Variants in TMEM163 observed in about 807,000 individuals in gnomAD.
The protein encoded by TMEM163 is transmembrane protein 163.
In TMEM163, 17 loss-of-function variants were observed where a neutral mutation model predicts 29.3. The observed-to-expected ratio is 0.58, with a 90% CI of 0.40 to 0.87. The LOEUF (loss-of-function observed/expected upper bound fraction) is 0.87, where lower values mean the gene tolerates loss of function less well. Among genes scored for constraint, TMEM163 ranks in the 40% least tolerant of loss-of-function variants. TMEM163 has a pLI of 0.00. For missense variants in TMEM163, 303 were observed against 381.5 expected, an observed-to-expected ratio of 0.79 and a Z score of 1.71; for synonymous variants, 157 against 160.6, an observed-to-expected ratio of 0.98 and a Z score of 0.17.
intron 4 of TMEM163, among the ~76,000 whole-genome samples, chr2:134,515,937 C>CCAGCAA (rs1003279383): frequency 2.6e-5 from 4 of 152,168 alleles, no homozygotes; most frequent in Non-Finnish European, 5.9e-5. Flanking sequence ...CTTCACAAGA[C>CCAGCAA]ATGAAATGCT....
chr2:134,707,255 C>T (rs2104896724), intron 2 of TMEM163, among the ~76,000 whole-genome samples: 1 of 152,294 alleles, frequency 6.6e-6, no homozygotes, highest in Non-Finnish European at 1.5e-5. Context: ...AGGCCCGGGG[C>T]TGTGAAAAGT....
At chr2:134,553,247 A>G (rs916328759) in intron 2 of TMEM163, among the ~76,000 whole-genome samples, 5 of 152,186 alleles carry the variant, frequency 3.3e-5, no homozygotes, top group East Asian at 1.9e-4. Context: ...CAGTGCCTAC[A>G]TGGACTTCCA....
At chr2:134,525,719 C>T (rs200602326) in intron 4 of TMEM163, among the ~76,000 whole-genome samples, 1 of 152,198 alleles carries the variant, frequency 6.6e-6, no homozygotes, top group East Asian at 1.9e-4. Context: ...CTGCCTCCTT[C>T]CCTGTCTAAC....
chr2:134,684,135 G>A (rs1558990909), intron 2 of TMEM163, among the ~76,000 whole-genome samples: 1 of 152,042 alleles, frequency 6.6e-6, no homozygotes, highest in Admixed American at 6.6e-5. Context: ...CCTATAACAA[G>A]GTTTAGTGAC....
intron 4 of TMEM163, among the ~76,000 whole-genome samples, chr2:134,548,558 G>C (rs1014134170): frequency 6.6e-6 from 1 of 152,168 alleles, no homozygotes; most frequent in Non-Finnish European, 1.5e-5. Context: ...AGAACAGCTT[G>C]GGTTGGGTGC....
At chr2:134,655,907 T>C (rs1473548298) in intron 2 of TMEM163, among the ~76,000 whole-genome samples, 6 of 142,776 alleles carry the variant, frequency 4.2e-5, no homozygotes, top group Middle Eastern at 3.4e-3. Context: ...CTGCCCGTTC[T>C]CAGATCTCCA....
intron 4 of TMEM163, among the ~76,000 whole-genome samples, chr2:134,541,252 G>A (rs1186246578): frequency 1.3e-5 from 2 of 152,224 alleles, no homozygotes; most frequent in African/African-American, 2.4e-5. Flanking sequence ...CAAAGCATAT[G>A]AGAATATGTT....
intron 2 of TMEM163, among the ~76,000 whole-genome samples, chr2:134,575,655 A>T (rs1377192227): frequency 1.3e-5 from 2 of 152,190 alleles, no homozygotes; most frequent in East Asian, 3.8e-4. Flanking sequence ...AGCAGCTATG[A>T]GGGTCCTTAG....
chr2:134,575,428 C>T (rs1681530729), intron 2 of TMEM163, among the ~76,000 whole-genome samples: 1 of 152,182 alleles, frequency 6.6e-6, no homozygotes, highest in Non-Finnish European at 1.5e-5. Flanking sequence ...CATACTCACA[C>T]TTGCCTTCAA....
At chr2:134,508,804 TC>T (rs2106489814) in intron 4 of TMEM163, among the ~76,000 whole-genome samples, 1 of 121,266 alleles carries the variant, frequency 8.2e-6, no homozygotes, top group East Asian at 2.6e-4. Context: ...CCCATCTCTC[TC>T]CTCTATCTTC....
chr2:134,694,911 C>A (rs966641532), intron 2 of TMEM163, among the ~76,000 whole-genome samples: 1 of 152,040 alleles, frequency 6.6e-6, no homozygotes, highest in African/African-American at 2.4e-5. Flanking sequence ...GTAAAAGGAA[C>A]CCAGGTAAAA....
intron 2 of TMEM163, among the ~76,000 whole-genome samples, chr2:134,555,650 G>A (rs567454628): frequency 9.2e-5 from 14 of 152,328 alleles, no homozygotes; most frequent in African/African-American, 3.1e-4. Context: ...ATTGCTATCT[G>A]ATTAGGCAGC....
intron 1 of TMEM163, 107 bp downstream of exon 1, chr2:134,718,627 C>G (rs1685092059): frequency 6.9e-6 from 6 of 868,512 alleles, no homozygotes; most frequent in East Asian, 6.6e-5. Context: ...TCCGCGCCCC[C>G]GCGCGCTCCG....
chr2:134,478,759 G>C (rs1426785903), intron 5 of TMEM163, among the ~76,000 whole-genome samples: 1 of 152,178 alleles, frequency 6.6e-6, no homozygotes, highest in African/African-American at 2.4e-5. Context: ...AGAGAGATTA[G>C]CAGGACTGAA....
Position 134,700,624 on chromosome 2 carries a change from C to T in TMEM163, c.322+12576G>A, listed in dbSNP as rs540232001. On this transcript the variant is annotated intron_variant, in intron 2 of 7. Coordinates refer to ENST00000281924, the MANE Select transcript of TMEM163 (RefSeq NM_030923.5). ...TTTTAAAAAGATGAATCCAGCCAGG[C>T]ACGGTGGCTCATGCCTGTAATTCCA... 2.0e-5 allele frequency among the ~76,000 whole-genome samples: 3 copies of T among 152,236 alleles called. No homozygotes were observed. In the South Asian group the frequency reaches 6.2e-4, roughly 32 times the overall value.
In TMEM163 at chr2:134,502,891, A is replaced by G; in HGVS notation, c.555+10T>C. ...CAGGAAGGATTGTTAAGGAAGAAGAAGGACCTTACCACTTCTGGGAGCAGC... is the reference window on the plus strand; with the variant it reads ...CAGGAAGGATTGTTAAGGAAGAAGAGGGACCTTACCACTTCTGGGAGCAGC... On this transcript the variant is annotated intron_variant, in intron 5 of 7. Coordinates refer to ENST00000281924, the MANE Select transcript of TMEM163 (RefSeq NM_030923.5). The G allele has an allele frequency of 6.2e-7, 1 of 1,612,172 alleles. No homozygotes were observed.
intron 4 of TMEM163, among the ~76,000 whole-genome samples, chr2:134,533,397 T>A (rs2106500027): frequency 6.6e-6 from 1 of 152,338 alleles, no homozygotes; most frequent in East Asian, 1.9e-4. Flanking sequence ...TGGGTGTGCA[T>A]CACACTTTAT....
chr2:134,625,577 T>C (rs1347737541), intron 2 of TMEM163, among the ~76,000 whole-genome samples: 1 of 152,238 alleles, frequency 6.6e-6, no homozygotes, highest in Non-Finnish European at 1.5e-5. Flanking sequence ...CCTGTGATTC[T>C]GACTTCCTTC....
intron 5 of TMEM163, among the ~76,000 whole-genome samples, chr2:134,491,596 G>A (rs1402443658): frequency 6.6e-6 from 1 of 152,174 alleles, no homozygotes; most frequent in Non-Finnish European, 1.5e-5. Flanking sequence ...CACTCGCCCT[G>A]TGTCTCTGAC....
Sources: allele counts gnomAD v4.1 joint callset (sites outside exome capture counted in the v4.1 genomes callset), GRCh38; gene constraint gnomAD v4.1.1; transcripts MANE v1.5; gene names NCBI Gene and HGNC (gene_info 2026-07-23, HGNC 2026-07-21).